REDIC1: variants seen among roughly 807,000 people sequenced by gnomAD.
REDIC1 encodes the protein regulator of DNA class I crossover intermediates 1.
chr12:39,785,404 T>C, the REDIC1 span, among the ~76,000 whole-genome samples: 4 of 152,172 alleles, frequency 2.6e-5, no homozygotes, highest in Non-Finnish European at 5.9e-5. Flanking sequence ...AAGTCAAGAA[T>C]TGAGGTTTGG....
At chr12:39,783,807 A>T in the REDIC1 span, among the ~76,000 whole-genome samples, 1 of 152,158 alleles carries the variant, frequency 6.6e-6, no homozygotes, top group Non-Finnish European at 1.5e-5. Flanking sequence ...AGATGACATG[A>T]CTGTATATTT....
the REDIC1 span, chr12:39,864,824 G>T: frequency 6.2e-7 from 1 of 1,613,956 alleles, no homozygotes; most frequent in Non-Finnish European, 8.5e-7. Flanking sequence ...TGATGCGTGG[G>T]GAAACTTGGG....
chr12:39,878,995 C>T, the REDIC1 span, among the ~76,000 whole-genome samples: 1 of 152,246 alleles, frequency 6.6e-6, no homozygotes, highest in Non-Finnish European at 1.5e-5. Flanking sequence ...ACATACTGGC[C>T]TCTCCAGCTC....
chr12:39,833,640 T>C, the REDIC1 span, among the ~76,000 whole-genome samples: 3 of 152,106 alleles, frequency 2.0e-5, no homozygotes, highest in Non-Finnish European at 4.4e-5. Flanking sequence ...GGCATATTGA[T>C]ACAAATACAC....
chr12:39,646,447 T>C, the REDIC1 span: 24 of 1,555,446 alleles, frequency 1.5e-5, no homozygotes, highest in South Asian at 2.5e-4. Flanking sequence ...TCTGCCTTGA[T>C]GATACAGAAA....
chr12:39,705,781 T>C, the REDIC1 span, among the ~76,000 whole-genome samples: 1 of 151,920 alleles, frequency 6.6e-6, no homozygotes, highest in Non-Finnish European at 1.5e-5. Flanking sequence ...GTAAAAACCT[T>C]CAAAAAATGA....
chr12:39,847,359 C>T, the REDIC1 span, among the ~76,000 whole-genome samples: 1 of 152,124 alleles, frequency 6.6e-6, no homozygotes, highest in South Asian at 2.1e-4. Flanking sequence ...CACCTCCCTC[C>T]TCCCGACTGC....
the REDIC1 span, among the ~76,000 whole-genome samples, chr12:39,880,921 A>G: frequency 3.4e-3 from 524 of 152,364 alleles, 1 homozygote; most frequent in African/African-American, 0.012. Flanking sequence ...AATTCGTTCT[A>G]TAAAATACAT....
chr12:39,865,449 A>G, the REDIC1 span, among the ~76,000 whole-genome samples: 1 of 152,168 alleles, frequency 6.6e-6, no homozygotes, highest in Non-Finnish European at 1.5e-5. Flanking sequence ...AATATATCAC[A>G]TATATTCTTT....
At chr12:39,702,043 A>G in the REDIC1 span, among the ~76,000 whole-genome samples, 1 of 152,152 alleles carries the variant, frequency 6.6e-6, no homozygotes, top group Non-Finnish European at 1.5e-5. Flanking sequence ...GAAAAGCAAG[A>G]GCAAACACAT....
At chr12:39,901,109 AT>A in the REDIC1 span, among the ~76,000 whole-genome samples, 136 of 152,340 alleles carry the variant, frequency 8.9e-4, 1 homozygote, top group Non-Finnish European at 1.6e-3. Flanking sequence ...TATTTAATAA[AT>A]GGTGTGGGGA....
At chr12:39,824,134 A>G in the REDIC1 span, among the ~76,000 whole-genome samples, 34 of 152,228 alleles carry the variant, frequency 2.2e-4, no homozygotes, top group African/African-American at 8.2e-4. Context: ...TATAATCTAG[A>G]AGCAAATATA....
the REDIC1 span, among the ~76,000 whole-genome samples, chr12:39,893,205 T>C: frequency 6.6e-6 from 1 of 152,210 alleles, no homozygotes; most frequent in African/African-American, 2.4e-5. Flanking sequence ...TCTAGAAAAA[T>C]GCTTAGCAAC....
the REDIC1 span, among the ~76,000 whole-genome samples, chr12:39,763,629 G>A: frequency 4.9e-4 from 75 of 152,110 alleles, no homozygotes; most frequent in African/African-American, 1.5e-3. Flanking sequence ...AAGAGATTGC[G>A]GGGAGATGAG....
At chr12:39,717,386 GA>G in the REDIC1 span, among the ~76,000 whole-genome samples, 1 of 151,870 alleles carries the variant, frequency 6.6e-6, no homozygotes, top group East Asian at 1.9e-4. Context: ...GTAAGCTAAA[GA>G]AAAGAAAACG....
At chr12:39,744,879 G>T in the REDIC1 span, among the ~76,000 whole-genome samples, 1 of 152,134 alleles carries the variant, frequency 6.6e-6, no homozygotes, top group African/African-American at 2.4e-5. Flanking sequence ...TCTAAACACA[G>T]CAAGTAAAAG....
At chr12:39,668,643 A>G in the REDIC1 span, among the ~76,000 whole-genome samples, 23 of 152,218 alleles carry the variant, frequency 1.5e-4, no homozygotes, top group Admixed American at 3.9e-4. Context: ...AATATCCTGC[A>G]GAGTGTTTTC....
At chr12:39,899,843 A>G in the REDIC1 span, among the ~76,000 whole-genome samples, 1 of 152,060 alleles carries the variant, frequency 6.6e-6, no homozygotes, top group African/African-American at 2.4e-5. Flanking sequence ...GTGGTCTGAG[A>G]GACAGTTTGT....
the REDIC1 span, among the ~76,000 whole-genome samples, chr12:39,861,925 A>G: frequency 6.6e-6 from 1 of 152,226 alleles, no homozygotes; most frequent in Non-Finnish European, 1.5e-5. Context: ...CAGGTCTGTT[A>G]CATAGGTAAA....
Sources: gnomAD v4.1 joint callset for allele counts (sites outside exome capture counted in the v4.1 genomes callset) on GRCh38, gnomAD v4.1.1 for gene constraint, MANE v1.5 for transcripts, NCBI Gene and HGNC (gene_info 2026-07-23, HGNC 2026-07-21) for gene names.